The following MYH8 variants were observed in gnomAD, a reference collection of about 807,000 sequenced individuals.
The protein encoded by MYH8 is myosin-8.
Under a neutral mutation model 233.2 loss-of-function variants are expected in MYH8, and 168 were observed. The observed-to-expected ratio is 0.72, with a 90% CI of 0.64 to 0.82. The LOEUF (loss-of-function observed/expected upper bound fraction) is 0.82, where lower values mean the gene tolerates loss of function less well. MYH8 is among the 40% of genes least tolerant of loss of function. The probability of loss-of-function intolerance (pLI) is 0.00; values close to 1 mark genes in which losing one functional copy is unlikely to be tolerated. For missense variants in MYH8, 1,995 were observed against 2,327.8 expected (o/e 0.86, Z 2.94); for synonymous variants, 785 against 850.6 (o/e 0.92, Z 1.34).
chr17:10,392,751 G>A, intron 37 of MYH8, 80 bp downstream of exon 37: 5 of 1,613,956 alleles, frequency 3.1e-6, no homozygotes, highest in Non-Finnish European at 4.2e-6. Context: ...GGACAGGATG[G>A]GAGTCTTGTG....
Position 10,392,958 on chromosome 17 carries a change from C to T in MYH8, c.5336G>A (p.Ser1779Asn). Residue 1779 changes from serine to asparagine, a missense_variant, in exon 37 of 40, where the codon AGC becomes AAC. Physicochemically the swap from Ser to Asn is conservative, Grantham distance 46. This residue lies in a region of MYH8 where 1,498 missense variants were observed against 1,680.9 expected (regional missense o/e 0.89). Transcript: ENST00000403437. ...CTTCTTCATCCGCTCCAGGTGGGCG[C>T]TGGTGTCCTGTTCCTTCTTCAGCTC... ...AEELKKEQDT[S>N]AHLERMKKNL... is the part of the protein sequence containing the mutation. The T allele has an allele frequency of 2.5e-6, 4 of 1,614,212 alleles. No individual in the cohort carries two copies. The highest frequency in any genetic ancestry group is 2.2e-5 in the East Asian group (1 of 44,884).
intron 35 of MYH8, 143 bp downstream of exon 35, chr17:10,394,106 A>G: frequency 8.5e-7 from 1 of 1,170,488 alleles, no homozygotes; most frequent in East Asian, 2.6e-5. Flanking sequence ...CAATTACCCT[A>G]AGATAATAGC....
rs2072122648 is a variant in MYH8 at position 10,400,146 on chromosome 17, T to TGAGC, written c.3735+240_3735+243dup. On this transcript the variant is annotated intron_variant, in intron 27 of 39. Transcript: ENST00000403437. The surrounding 1 kb of genome is among the most constrained non-coding windows in gnomAD (Gnocchi z 4.0). ...TGAACCCGGGAGGCGGAGCTTGCAG[T>TGAGC]GAGCCGAGATTGCGCCACTGCACTT... 1.3e-5 allele frequency among the ~76,000 whole-genome samples: 2 copies of TGAGC among 152,094 alleles called. No individual in the cohort carries two copies. The highest frequency in any genetic ancestry group is 4.8e-5 in the African/African-American group (2 of 41,500).
intron 30 of MYH8, 39 bp downstream of exon 30, chr17:10,398,404 TG>T (rs2072098600): frequency 6.2e-7 from 1 of 1,613,784 alleles, no homozygotes; most frequent in African/African-American, 1.3e-5. Context: ...ATATCACAGC[TG>T]CTTCTGGGAG....
At position 10,415,446 on chromosome 17, in the gene MYH8, G is replaced by A. The variant is rs1309208957; in HGVS notation, c.648+26C>T. The A allele has an allele frequency of 4.3e-6, 7 of 1,613,202 alleles. No homozygotes were observed. Among genetic ancestry groups the A allele is most frequent in the Non-Finnish European group, 5.9e-6 (7 of 1,179,284 alleles). Reference sequence around the variant, plus strand: ...CAGATGTCTGAGAGCCTTGACAGAGGTTTTGACTCTGGCTATCAGACCTAC... The same window carrying A: ...CAGATGTCTGAGAGCCTTGACAGAGATTTTGACTCTGGCTATCAGACCTAC... On this transcript the variant is annotated intron_variant, in intron 7 of 39. Coordinates refer to ENST00000403437, the MANE Select transcript of MYH8 (RefSeq NM_002472.3). This position sits in a 1 kb window ranked among gnomAD's most constrained non-coding sequence, Gnocchi z 4.1.
chr17:10,417,156 A>G lies in MYH8; in HGVS notation c.512-1448T>C, dbSNP rs2072296367. 6.6e-6 allele frequency among the ~76,000 whole-genome samples: 1 copy of G among 152,222 alleles called. No homozygotes were observed. Among genetic ancestry groups the G allele is most frequent in the South Asian group, 2.1e-4 (1 of 4,836 alleles). ...CTTTTAATCTTATATGCATTTCTAA[A>G]TAATAAAAACAAATGTCACTAATTA... On this transcript the variant is annotated intron_variant, in intron 5 of 39. Coordinates refer to ENST00000403437, the MANE Select transcript of MYH8 (RefSeq NM_002472.3). The surrounding 1 kb of genome is among the most constrained non-coding windows in gnomAD (Gnocchi z 4.1).
chr17:10,409,113 A>G lies in MYH8; in HGVS notation c.1949T>C (p.Val650Ala). ...GTACTTTACCCTGAAAAGGGCAGAC[A>G]CAGTCTGGAAAGAAGAGCCCTTTTT... ...AKKKGSSFQTVSALFRENLNK... is the reference protein window; with the variant it reads ...AKKKGSSFQTASALFRENLNK... The change falls in exon 17 of 40, where the codon GTG becomes GCG. Residue 650 changes from valine to alanine, a missense_variant. Around this residue, in one of 3 missense-constraint regions of MYH8, gnomAD observed 1,498 missense variants for 1,680.9 expected, o/e 0.89. Coordinates refer to ENST00000403437, the MANE Select transcript of MYH8 (RefSeq NM_002472.3). The G allele has an allele frequency of 6.2e-7, 1 of 1,614,142 alleles. No individual in the cohort carries two copies. The highest frequency in any genetic ancestry group is 8.5e-7 in the Non-Finnish European group (1 of 1,179,954).
chr17:10,396,896 C>T lies in MYH8; in HGVS notation c.4269G>A (p.Arg1423=). Residue 1423 remains arginine, a synonymous_variant, in exon 31 of 40, where the codon CGG becomes CGA. Transcript: ENST00000403437. This position sits in a 1 kb window ranked among gnomAD's most constrained non-coding sequence, Gnocchi z 4.2. ...TGAGGTCTTCAACTTCATTCTGGAG[C>T]CGCTGCTTCGTCTTCTCAAGGGAAG... ...KCASLEKTKQ[R]LQNEVEDLML... 2 of 1,614,200 alleles carry T rather than the reference C, an allele frequency of 1.2e-6. No individual in the cohort carries two copies. Among genetic ancestry groups the T allele is most frequent in the Non-Finnish European group, 1.7e-6 (2 of 1,180,052 alleles).
At chr17:10,413,773 AGT>A in intron 12 of MYH8, 127 bp downstream of exon 12, 1 of 1,298,186 alleles carries the variant, frequency 7.7e-7, no homozygotes, top group African/African-American at 1.5e-5. Context: ...GAAAGCATGC[AGT>A]GTGTGTAAAT....
rs2072172118 is a variant in MYH8 at position 10,404,505 on chromosome 17, T to C, written c.2513A>G (p.Lys838Arg). ...KHWPWMKLFFKIKPLLKSAET... is the reference protein window; with the variant it reads ...KHWPWMKLFFRIKPLLKSAET... ...TGCACTCTTGAGGAGGGGCTTAATC[T>C]TGAAAAAGAGTTTCATCCAGGGCCA... The change falls in exon 22 of 40, where the codon AAG becomes AGG. Residue 838 changes from lysine (K) to arginine (R), a missense_variant. By Grantham distance (26) the Lys-to-Arg change is conservative (BLOSUM62 2). Coordinates refer to ENST00000403437, the MANE Select transcript of MYH8 (RefSeq NM_002472.3). The C allele has an allele frequency of 6.2e-7, 1 of 1,613,984 alleles. No homozygotes were observed. Among genetic ancestry groups the C allele is most frequent in the Non-Finnish European group, 8.5e-7 (1 of 1,179,972 alleles).
rs1291054584 is a variant in MYH8 at position 10,397,005 on chromosome 17, A to G, written c.4179-19T>C. 6.2e-7 allele frequency: 1 copy of G among 1,614,090 alleles called. No individual in the cohort carries two copies. The highest frequency in any genetic ancestry group is 8.5e-7 in the Non-Finnish European group (1 of 1,179,980). ...CTTTTTCCTGAAAAGTTAGCCAGGCAGTCAGGAGAATGGCCAAGACCAGAA... is the reference window on the plus strand; with the variant it reads ...CTTTTTCCTGAAAAGTTAGCCAGGCGGTCAGGAGAATGGCCAAGACCAGAA... On this transcript the variant is annotated intron_variant, in intron 30 of 39. Coordinates refer to ENST00000403437, the MANE Select transcript of MYH8 (RefSeq NM_002472.3).
chr17:10,406,347 C>T lies in MYH8; in HGVS notation c.2222G>A (p.Ser741Asn), dbSNP rs763011772. The change falls in exon 20 of 40, where the codon AGC becomes AAC. Residue 741 changes from serine (S) to asparagine (N), a missense_variant. Physicochemically the swap from Ser to Asn is conservative, Grantham distance 46. Around this residue, in one of 3 missense-constraint regions of MYH8, gnomAD observed 1,498 missense variants for 1,680.9 expected, o/e 0.89. Coordinates refer to ENST00000403437, the MANE Select transcript of MYH8 (RefSeq NM_002472.3). ...SAIPEGQFID[S>N]KKASEKLLAS... Reference sequence around the variant, plus strand: ...AAGAAGTTTCTCAGAAGCCTTCTTGCTGTCAATGAACTGTCCCTCTGGAAT... The same window carrying T: ...AAGAAGTTTCTCAGAAGCCTTCTTGTTGTCAATGAACTGTCCCTCTGGAAT... The T allele has an allele frequency of 9.9e-6, 16 of 1,613,788 alleles. No homozygotes were observed. The South Asian group carries it at 1.8e-4, about 18-fold the overall frequency.
Position 10,400,674 on chromosome 17 carries a change from C to T in MYH8, c.3451G>A (p.Glu1151Lys). 2.5e-6 allele frequency: 4 copies of T among 1,614,204 alleles called. No individual in the cohort carries two copies. Among genetic ancestry groups the T allele is most frequent in the Non-Finnish European group, 2.5e-6 (3 of 1,180,048 alleles). The change falls in exon 27 of 40, where the codon GAG becomes AAG. Residue 1151 changes from glutamate (E) to lysine (K), a missense_variant. Glu to Lys is a moderately conservative substitution (Grantham distance 56, BLOSUM62 1). This residue lies in a region of MYH8 where 1,498 missense variants were observed against 1,680.9 expected (regional missense o/e 0.89). Coordinates refer to ENST00000403437, the MANE Select transcript of MYH8 (RefSeq NM_002472.3). The surrounding 1 kb of genome is among the most constrained non-coding windows in gnomAD (Gnocchi z 4.0). ...DLSRELEEIS[E>K]RLEEAGGATS... ...GCCCCACCGGCTTCTTCCAGCCTCT[C>T]GCTGATCTCCTCCAGTTCCCGGGAG...
chr17:10,413,645 ATATCTCATTC>A (rs1430129725), intron 12 of MYH8, among the ~76,000 whole-genome samples: 2 of 152,162 alleles, frequency 1.3e-5, no homozygotes, highest in African/African-American at 4.8e-5. Flanking sequence ...GAGCACTATT[ATATCTCATTC>A]TATCTCATAG....
intron 33 of MYH8, 108 bp from the exon 34 acceptor site, chr17:10,395,549 G>GTA: frequency 9.2e-7 from 1 of 1,082,964 alleles, no homozygotes; most frequent in South Asian, 1.4e-5. Flanking sequence ...ATTTTACAAA[G>GTA]TATAATACAG....
chr17:10,418,719 C>G lies in MYH8; in HGVS notation c.437G>C (p.Arg146Thr). Residue 146 changes from arginine to threonine, a missense_variant, in exon 5 of 40, where the codon AGA becomes ACA. Around this residue, in one of 3 missense-constraint regions of MYH8, gnomAD observed 479 missense variants for 600.9 expected, o/e 0.80. Coordinates refer to ENST00000403437, the MANE Select transcript of MYH8 (RefSeq NM_002472.3). ...VYKPEVVAAY[R>T]GKKRQEAPPH... ...CGGGGCCTCCTGGCGCTTTTTGCCT[C>G]TGTAGGCAGCCACCACCTCGGGCTT... 6.2e-7 allele frequency: 1 copy of G among 1,613,904 alleles called. No homozygotes were observed. The highest frequency in any genetic ancestry group is 1.1e-5 in the South Asian group (1 of 91,068).
At chr17:10,399,739 A>C in intron 27 of MYH8, 70 bp from the exon 28 acceptor site, 1 of 1,592,294 alleles carries the variant, frequency 6.3e-7, no homozygotes, top group East Asian at 2.2e-5. Context: ...GATTCTTAAA[A>C]TATTTGTAGA....
Position 10,409,115 on chromosome 17 carries a change from A to C in MYH8, c.1947T>G (p.Thr649=). The change falls in exon 17 of 40, where the codon ACT becomes ACG. Residue 649 remains threonine, a synonymous_variant. Coordinates refer to ENST00000403437, the MANE Select transcript of MYH8 (RefSeq NM_002472.3). ...GAKKKGSSFQ[T]VSALFRENLN... is the part of the protein sequence containing the mutation. ...ACTTTACCCTGAAAAGGGCAGACAC[A>C]GTCTGGAAAGAAGAGCCCTTTTTCT... 1 of 1,614,184 alleles carries C rather than the reference A, an allele frequency of 6.2e-7. No individual in the cohort carries two copies. Among genetic ancestry groups the C allele is most frequent in the Non-Finnish European group, 8.5e-7 (1 of 1,179,990 alleles).
chr17:10,406,490 G>A, intron 19 of MYH8, 93 bp from the exon 20 acceptor site: 3 of 1,570,998 alleles, frequency 1.9e-6, no homozygotes, highest in Non-Finnish European at 2.6e-6. Flanking sequence ...ACATCTGAGA[G>A]TAGAAATAAA....
Sources: gnomAD v4.1 joint callset for allele counts (sites outside exome capture counted in the v4.1 genomes callset) on GRCh38, gnomAD v4.1.1 for gene constraint, gnomAD v4.1.1 regional missense constraint, Gnocchi (gnomAD v3.1) non-coding constraint, MANE v1.5 for transcripts, NCBI Gene and HGNC (gene_info 2026-07-23, HGNC 2026-07-21) for gene names.